SLC31A1: variants seen among roughly 807,000 people sequenced by gnomAD.
The protein encoded by SLC31A1 is solute carrier family 31 member 1.
Under a neutral mutation model 17.2 loss-of-function variants are expected in SLC31A1, and 5 were observed. That is an observed-to-expected ratio of 0.29 (90% CI 0.15 to 0.61). The LOEUF (loss-of-function observed/expected upper bound fraction) is 0.61. Ranked by LOEUF, SLC31A1 falls within the 20% of genes least tolerant of loss-of-function variation. The probability of loss-of-function intolerance (pLI) is 0.86; values close to 1 mark genes in which losing one functional copy is unlikely to be tolerated. For missense variants in SLC31A1, 161 were observed against 241.4 expected (o/e 0.67, Z 2.21); for synonymous variants, 76 against 78.8 (o/e 0.96, Z 0.19).
Position 113,263,865 on chromosome 9 carries a change from C to T in SLC31A1, c.*3392C>T, listed in dbSNP as rs1202784432. 1.3e-5 allele frequency: 2 copies of T among 152,200 alleles called. No individual in the cohort carries two copies. Among genetic ancestry groups the T allele is most frequent in the Non-Finnish European group, 2.9e-5 (2 of 68,054 alleles). The allele number at this position is 152,200 out of a possible 1,614,324, so 9.4% of individuals were successfully genotyped here. ...AGAAATTAAGGTTTCTTCACTACTT[C>T]TATGGTAGGGTTGTCTGAAATTCCC... On this transcript the variant is annotated 3_prime_UTR_variant, in exon 5 of 5. Transcript: ENST00000374212.
At chr9:113,224,727 C>CT (rs1831322451) in intron 1 of SLC31A1, among the ~76,000 whole-genome samples, 1 of 152,218 alleles carries the variant, frequency 6.6e-6, no homozygotes, top group Non-Finnish European at 1.5e-5. Flanking sequence ...CGCACCCGGC[C>CT]TTGTGTGCTC....
At position 113,260,382 on chromosome 9, in the gene SLC31A1, G is replaced by C; in HGVS notation, c.482G>C (p.Cys161Ser). ...LIFMTYNGYLCIAVAAGAGTG... is the reference protein window; with the variant it reads ...LIFMTYNGYLSIAVAAGAGTG... ...TTCATGACCTACAACGGGTACCTCT[G>C]CATTGCAGTAGCAGCAGGGGCCGGT... Residue 161 changes from cysteine to serine, a missense_variant, in exon 5 of 5, where the codon TGC becomes TCC. Transcript: ENST00000374212. The C allele has an allele frequency of 6.2e-7, 1 of 1,614,174 alleles. No individual in the cohort carries two copies. The highest frequency in any genetic ancestry group is 8.5e-7 in the Non-Finnish European group (1 of 1,180,026).
intron 1 of SLC31A1, among the ~76,000 whole-genome samples, chr9:113,234,690 T>C (rs1048585581): frequency 5.9e-5 from 9 of 152,034 alleles, no homozygotes. Flanking sequence ...TGGTGTGGCA[T>C]AGGGTCCATA....
At chr9:113,240,636 G>T (rs1231425490) in intron 1 of SLC31A1, among the ~76,000 whole-genome samples, 1 of 152,162 alleles carries the variant, frequency 6.6e-6, no homozygotes, top group Non-Finnish European at 1.5e-5. Context: ...TTTTGTGCAT[G>T]ATAAATGTTG....
intron 1 of SLC31A1, among the ~76,000 whole-genome samples, chr9:113,241,075 G>A (rs1831516849): frequency 6.7e-6 from 1 of 150,216 alleles, no homozygotes; most frequent in Admixed American, 6.7e-5. Flanking sequence ...AAAAATTATT[G>A]AGGAAAAGTG....
chr9:113,230,407 A>C (rs1476213889), intron 1 of SLC31A1, among the ~76,000 whole-genome samples: 4 of 152,104 alleles, frequency 2.6e-5, no homozygotes, highest in Non-Finnish European at 4.4e-5. Context: ...ACAGGCATGC[A>C]TCTCCACGCC....
At chr9:113,226,351 T>C (rs1831342591) in intron 1 of SLC31A1, among the ~76,000 whole-genome samples, 1 of 152,082 alleles carries the variant, frequency 6.6e-6, no homozygotes, top group Admixed American at 6.5e-5. Flanking sequence ...TTTTAAAAAC[T>C]TAAAAGTTTT....
At chr9:113,221,871 G>A (rs762023729) in intron 1 of SLC31A1, among the ~76,000 whole-genome samples, 193 bp downstream of exon 1, 1 of 152,226 alleles carries the variant, frequency 6.6e-6, no homozygotes, top group Non-Finnish European at 1.5e-5. Flanking sequence ...GGGCCGGGGT[G>A]CTCGGTGCCT....
chr9:113,258,737 C>A lies in SLC31A1; in HGVS notation c.246C>A (p.Phe82Leu), dbSNP rs1394294666. Residue 82 changes from phenylalanine to leucine, a missense_variant, in exon 4 of 5, where the codon TTC (phenylalanine) becomes TTA (leucine). Transcript: ENST00000374212. This position sits in a 1 kb window ranked among gnomAD's most constrained non-coding sequence, Gnocchi z 4.8. ...TGGCAGTGTTTTTACTAGCAATGTT[C>A]TATGAAGGACTCAAGATAGCCCGAG... ...AFVAVFLLAMFYEGLKIARES... is the reference protein window; with the variant it reads ...AFVAVFLLAMLYEGLKIARES... 1.2e-6 allele frequency: 2 copies of A among 1,614,136 alleles called. No individual in the cohort carries two copies. Among genetic ancestry groups the A allele is most frequent in the Non-Finnish European group, 1.7e-6 (2 of 1,180,024 alleles).
rs141944058 is a variant in SLC31A1 at position 113,256,093 on chromosome 9, T to C, written c.-35-21T>C. 747 of 1,525,990 alleles carry C rather than the reference T, an allele frequency of 4.9e-4. 1 individual carries two copies. The African/African-American group carries it at 9.4e-3, about 19-fold the overall frequency. The allele number at this position is 1,525,990 out of a possible 1,614,324, so 94.5% of individuals were successfully genotyped here. The stretch of plus-strand genomic sequence containing the variant: ...ATTTTTATATCCTTAAATTATTATA[T>C]ATAATTCTTTCTCTTAAAAGAATCT... On this transcript the variant is annotated intron_variant, in intron 1 of 4. Transcript: ENST00000374212.
In SLC31A1 at chr9:113,226,529, C is replaced by G. The variant is rs1831343984; in HGVS notation, c.-36+4851C>G. 2.0e-5 allele frequency among the ~76,000 whole-genome samples: 3 copies of G among 151,918 alleles called. No homozygotes were observed. The South Asian group carries it at 6.2e-4, about 32-fold the overall frequency. On this transcript the variant is annotated intron_variant, in intron 1 of 4. Coordinates refer to ENST00000374212, the MANE Select transcript of SLC31A1 (RefSeq NM_001859.4). ...CATTTTATGATTTAGGTAACATCCC[C>G]AAGCAGAGGAGGGGCCCATCCTTAG...
At chr9:113,260,160 C>T in intron 4 of SLC31A1, 112 bp from the exon 5 acceptor site, 1 of 877,200 alleles carries the variant, frequency 1.1e-6, no homozygotes, top group South Asian at 1.3e-5. Context: ...CATGAGTTGC[C>T]AGAGTGGCTG....
intron 1 of SLC31A1, among the ~76,000 whole-genome samples, chr9:113,251,821 T>G (rs146820198): frequency 5.3e-5 from 8 of 152,366 alleles, no homozygotes; most frequent in Admixed American, 3.3e-4. Flanking sequence ...AAGCTTTTAG[T>G]GAGCGTAAGG....
At chr9:113,248,932 A>G (rs1831615578) in intron 1 of SLC31A1, among the ~76,000 whole-genome samples, 2 of 152,106 alleles carry the variant, frequency 1.3e-5, no homozygotes, top group Admixed American at 1.3e-4. Context: ...TTCCCTACTC[A>G]AGTTCTTTTA....
rs562464825 is a variant in SLC31A1 at position 113,263,973 on chromosome 9, G to A, written c.*3500G>A. On this transcript the variant is annotated 3_prime_UTR_variant, in exon 5 of 5. Transcript: ENST00000374212. ...CAGGCGGAGGGGAGTACACTTTCAT[G>A]TGATTTAATTTTGATCCTGCCCTCT... is the stretch of plus-strand genomic sequence containing the variant. The A allele has an allele frequency of 6.6e-6, 1 of 152,318 alleles. No individual in the cohort carries two copies. The highest frequency in any genetic ancestry group is 2.4e-5 in the African/African-American group (1 of 41,550). The allele number at this position is 152,318 out of a possible 1,614,324, so 9.4% of individuals were successfully genotyped here.
At chr9:113,225,560 A>C (rs1587985793) in intron 1 of SLC31A1, among the ~76,000 whole-genome samples, 1 of 152,204 alleles carries the variant, frequency 6.6e-6, no homozygotes, top group Non-Finnish European at 1.5e-5. Flanking sequence ...ACTGGTATTA[A>C]TCTGTTAAAA....
At chr9:113,253,989 C>A (rs10981704) in intron 1 of SLC31A1, among the ~76,000 whole-genome samples, 3 of 137,556 alleles carry the variant, frequency 2.2e-5, no homozygotes, top group East Asian at 2.1e-4. Flanking sequence ...AGATAGTCTC[C>A]TGTCACCTAG....
chr9:113,264,301 C>G lies in SLC31A1; in HGVS notation c.*3828C>G, dbSNP rs1831830675. ...TGCACTCCAGCCTGGGCGACAAGAG[C>G]AAAACTCCGTCTCAAAAAAAAAAAA... On this transcript the variant is annotated 3_prime_UTR_variant, in exon 5 of 5. Transcript: ENST00000374212. 6.9e-6 allele frequency: 1 copy of G among 145,524 alleles called. No individual in the cohort carries two copies. The highest frequency in any genetic ancestry group is 2.6e-5 in the African/African-American group (1 of 38,908). The allele number at this position is 145,524 out of a possible 1,614,324, so 9.0% of individuals were successfully genotyped here.
chr9:113,255,234 A>ATTATCTGAAGTCCTTGCTTT (rs1251907742), intron 1 of SLC31A1, among the ~76,000 whole-genome samples: 2 of 152,226 alleles, frequency 1.3e-5, no homozygotes, highest in Admixed American at 1.3e-4. Flanking sequence ...AATTAGGTGA[A>ATTATCTGAAGTCCTTGCTTT]TTATCTGAAG....
Sources: allele counts gnomAD v4.1 joint callset (sites outside exome capture counted in the v4.1 genomes callset), GRCh38; gene constraint gnomAD v4.1.1; non-coding constraint Gnocchi (gnomAD v3.1); transcripts MANE v1.5; gene names NCBI Gene and HGNC (gene_info 2026-07-23, HGNC 2026-07-21).